C1QTNF7: variants seen among roughly 807,000 people sequenced by gnomAD.
C1QTNF7 encodes C1q and TNF related 7, also known as complement C1q tumor necrosis factor-related protein 7.
A neutral mutation model predicts 19.6 loss-of-function variants in C1QTNF7; 15 were observed. The observed-to-expected ratio is 0.76, with a 90% confidence interval of 0.51 to 1.18. The LOEUF (loss-of-function observed/expected upper bound fraction) is 1.18. Among genes scored for constraint, C1QTNF7 ranks in the 50% most tolerant of loss-of-function variants. C1QTNF7 has a pLI of 0.00. For synonymous variants in C1QTNF7, 142 were observed against 137.5 expected (o/e 1.03, Z -0.23); for missense variants, 324 against 359.7 (o/e 0.90, Z 0.80).
intron 1 of C1QTNF7, among the ~76,000 whole-genome samples, chr4:15,342,635 G>A (rs1412745091): frequency 6.6e-6 from 1 of 152,198 alleles, no homozygotes; most frequent in East Asian, 1.9e-4. Flanking sequence ...GAGGGCCAGG[G>A]GTCCCCAGGC....
Position 15,408,580 on chromosome 4 carries a change from T to C in C1QTNF7, c.14-27156T>C, listed in dbSNP as rs185067158. 1.8e-3 allele frequency among the ~76,000 whole-genome samples: 273 copies of C among 152,184 alleles called. 1 individual carries two copies. Among genetic ancestry groups the C allele is most frequent in the African/African-American group, 6.2e-3 (259 of 41,524 alleles). ...TACAGATAAGAAGAAGCTGCTTTGG[T>C]GGAATGATGACGGTGGGAAGGGGCT... On this transcript the variant is annotated intron_variant, in intron 1 of 2. Coordinates refer to the C1QTNF7 transcript ENST00000295297.
At chr4:15,351,484 G>T (rs10939616) in intron 1 of C1QTNF7, among the ~76,000 whole-genome samples, 11,793 of 152,190 alleles carry the variant, frequency 0.077, 1,500 homozygotes, top group African/African-American at 0.27. Flanking sequence ...CATTTGGCAA[G>T]TAGGAGAAAC....
intron 1 of C1QTNF7, among the ~76,000 whole-genome samples, chr4:15,417,563 G>A (rs1442238051): frequency 6.6e-6 from 1 of 152,190 alleles, no homozygotes; most frequent in Non-Finnish European, 1.5e-5. Context: ...GATCACTTGA[G>A]TCCAAGAGTT....
upstream of C1QTNF7, chr4:15,427,702 C>T (rs1712114838): frequency 1.3e-5 from 2 of 152,114 alleles, no homozygotes; most frequent in South Asian, 4.1e-4. Flanking sequence ...AACTAATTTC[C>T]AGTCAGTGAG....
At chr4:15,418,090 G>GCTA (rs1436516320) in intron 1 of C1QTNF7, among the ~76,000 whole-genome samples, 11 of 152,206 alleles carry the variant, frequency 7.2e-5, no homozygotes, top group African/African-American at 1.4e-4. Flanking sequence ...CCTGTAAGAG[G>GCTA]CTACATCTTA....
chr4:15,417,387 G>T (rs1577269932), intron 1 of C1QTNF7, among the ~76,000 whole-genome samples: 1 of 152,180 alleles, frequency 6.6e-6, no homozygotes, highest in African/African-American at 2.4e-5. Flanking sequence ...TATCTATTCT[G>T]AACATTTAAT....
upstream of C1QTNF7, among the ~76,000 whole-genome samples, chr4:15,424,090 C>T (rs1711926762): frequency 2.0e-5 from 3 of 152,164 alleles, no homozygotes; most frequent in Non-Finnish European, 1.5e-5. Flanking sequence ...CCTTTTATGA[C>T]ATCTCAGGCA....
At chr4:15,429,616 T>A (rs2108933546) in intron 1 of C1QTNF7, among the ~76,000 whole-genome samples, 1 of 152,296 alleles carries the variant, frequency 6.6e-6, no homozygotes, top group Non-Finnish European at 1.5e-5. Flanking sequence ...TAGACCAGGT[T>A]TTGTTTATCC....
intron 1 of C1QTNF7, among the ~76,000 whole-genome samples, chr4:15,353,272 C>A (rs1256125008): frequency 1.3e-5 from 2 of 152,254 alleles, no homozygotes; most frequent in African/African-American, 4.8e-5. Flanking sequence ...AAGAAACTGG[C>A]CTTCAAGTTC....
chr4:15,430,023 T>C (rs2108933880), intron 1 of C1QTNF7, among the ~76,000 whole-genome samples: 1 of 152,304 alleles, frequency 6.6e-6, no homozygotes, highest in South Asian at 2.1e-4. Context: ...TTGTACTGAG[T>C]TAATCAGTAT....
upstream of C1QTNF7, among the ~76,000 whole-genome samples, chr4:15,425,497 C>G (rs984369870): frequency 2.6e-5 from 4 of 152,064 alleles, no homozygotes; most frequent in African/African-American, 9.7e-5. Flanking sequence ...ACTGAGGTTA[C>G]AAAGAGAAGA....
chr4:15,363,559 T>A (rs893147072), intron 1 of C1QTNF7, among the ~76,000 whole-genome samples: 1 of 152,138 alleles, frequency 6.6e-6, no homozygotes, highest in Admixed American at 6.5e-5. Context: ...AGCAACCTCC[T>A]CCATCAACCT....
chr4:15,412,324 C>T (rs1032186287), intron 1 of C1QTNF7, among the ~76,000 whole-genome samples: 1 of 151,958 alleles, frequency 6.6e-6, no homozygotes, highest in Admixed American at 6.6e-5. Flanking sequence ...TCTCCCACCC[C>T]CACCCCCACC....
intron 2 of C1QTNF7, among the ~76,000 whole-genome samples, chr4:15,441,730 G>A (rs1712761901): frequency 1.3e-5 from 2 of 152,158 alleles, no homozygotes; most frequent in Non-Finnish European, 2.9e-5. Flanking sequence ...TGTTTTAAAA[G>A]TTTATTATTG....
At position 15,445,551 on chromosome 4, in the gene C1QTNF7, TC is replaced by T. The variant is rs564092514; in HGVS notation, c.*2753del. The T allele has an allele frequency of 2.6e-5, 4 of 152,352 alleles. No homozygotes were observed. The East Asian group carries it at 7.7e-4, about 29-fold the overall frequency. 9.4% of individuals were successfully genotyped at this position (152,352 alleles called of 1,614,324 possible). A position where few individuals can be genotyped will look rare whatever the true frequency, so the allele number is the denominator to read the frequency against. On this transcript the variant is annotated 3_prime_UTR_variant, in exon 3 of 3. Transcript: ENST00000444304. ...TGAAGCCTAGAGATGAATTTCGTTT[TC>T]AAATATCTGGTGGGATGGTAATGGG... is the stretch of plus-strand genomic sequence containing the variant.
At chr4:15,440,860 C>T (rs935737385) in intron 2 of C1QTNF7, among the ~76,000 whole-genome samples, 1 of 151,434 alleles carries the variant, frequency 6.6e-6, no homozygotes, top group South Asian at 2.1e-4. Context: ...TCCTGCTGGC[C>T]GGGCATGGCG....
chr4:15,417,966 C>T (rs1711524072), intron 1 of C1QTNF7, among the ~76,000 whole-genome samples: 1 of 152,064 alleles, frequency 6.6e-6, no homozygotes, highest in Admixed American at 6.6e-5. Flanking sequence ...AAGGATCCAT[C>T]CCCATGACCC....
chr4:15,444,932 G>A lies in C1QTNF7; in HGVS notation c.*2133G>A, dbSNP rs907712742. On this transcript the variant is annotated 3_prime_UTR_variant, in exon 3 of 3. Transcript: ENST00000444304. ...TTGGAGGATTTATTCATAAGAAAGT[G>A]TAGAGACCCTGTGTATTTCAGAGCT... 1 of 152,240 alleles carries A rather than the reference G, an allele frequency of 6.6e-6. No homozygotes were observed. The highest frequency in any genetic ancestry group is 1.5e-5 in the Non-Finnish European group (1 of 68,054). The allele number at this position is 152,240 out of a possible 1,614,324, so 9.4% of individuals were successfully genotyped here.
chr4:15,347,280 G>T (rs76344937), intron 1 of C1QTNF7, among the ~76,000 whole-genome samples: 2,416 of 152,212 alleles, frequency 0.016, 61 homozygotes, highest in African/African-American at 0.054. Flanking sequence ...TCATAAGGCC[G>T]CTCCTTCCAT....
Sources: gnomAD v4.1 joint callset for allele counts (sites outside exome capture counted in the v4.1 genomes callset) on GRCh38, gnomAD v4.1.1 for gene constraint, MANE v1.5 for transcripts, NCBI Gene and HGNC (gene_info 2026-07-23, HGNC 2026-07-21) for gene names.